LINC00632: variants seen among roughly 807,000 people sequenced by gnomAD.
The protein encoded by LINC00632 is ALDOA related specific transcript.
chrX:140,755,334 GC>G (rs1483080439), intron 3 of LINC00632, among the ~76,000 whole-genome samples: 3 of 112,092 alleles, frequency 2.7e-5, no homozygotes, highest in South Asian at 7.5e-4. Context: ...CCAATCCTCT[GC>G]CCAAGGTTTT....
In LINC00632 at chrX:140,753,768, C is replaced by CTTTTTTTTTTTTT. The variant is rs752596283; in HGVS notation, n.192-18297_192-18285dup. Among the ~76,000 whole-genome samples the CTTTTTTTTTTTTT allele has an allele frequency of 1.6e-3, 81 of 49,721 alleles. 1 individual carries two copies. The highest frequency in any genetic ancestry group is 4.6e-3 in the East Asian group (7 of 1,507). The allele number at this position is 49,721 out of a possible 115,157, so 43.2% of individuals were successfully genotyped here. The stretch of plus-strand genomic sequence containing the variant: ...TTTCTTTTCTTTTCTTTCTTTCTTT[C>CTTTTTTTTTTTTT]TTTTTTTTTTTTTTTTTTTTTTTTT... On this transcript the variant is annotated intron_variant and non_coding_transcript_variant, in intron 3 of 4. Transcript: ENST00000648200.
exon 5 of LINC00632, among the ~76,000 whole-genome samples, chrX:140,788,615 A>G (rs1282290938): frequency 9.1e-6 from 1 of 109,429 alleles, no homozygotes; most frequent in Admixed American, 9.9e-5. Flanking sequence ...TATTATATTT[A>G]TTGAAAAACA....
chrX:140,749,495 C>A (rs1016231245), intron 3 of LINC00632, among the ~76,000 whole-genome samples: 5 of 110,689 alleles, frequency 4.5e-5, no homozygotes, highest in Admixed American at 9.7e-5. Context: ...GCTCAGTGAA[C>A]TGCCCAGATA....
intron 2 of LINC00632, among the ~76,000 whole-genome samples, chrX:140,723,732 A>T (rs940882041): frequency 0.029 from 43 of 1,495 alleles, no homozygotes; most frequent in South Asian, 0.12. Flanking sequence ...ACACATTCCA[A>T]ACACACACAC....
chrX:140,781,065 A>T (rs1019431102), exon 5 of LINC00632, among the ~76,000 whole-genome samples: 1 of 111,123 alleles, frequency 9.0e-6, no homozygotes, highest in African/African-American at 3.3e-5. Flanking sequence ...TTGTCTATAT[A>T]TTCCACTACT....
intron 2 of LINC00632, among the ~76,000 whole-genome samples, chrX:140,725,887 G>C (rs1330743276): frequency 9.0e-6 from 1 of 111,131 alleles, no homozygotes; most frequent in Non-Finnish European, 1.9e-5. Flanking sequence ...ATCAGACAAC[G>C]CAGAAACACA....
intron 3 of LINC00632, among the ~76,000 whole-genome samples, chrX:140,762,242 A>AGGGAGAGAGAGAGAGAGAGAGAGC (rs1286418753): frequency 3.0e-5 from 3 of 99,793 alleles, no homozygotes; most frequent in African/African-American, 1.1e-4. Context: ...AGAGAGAGAG[A>AGGGAGAGAGAGAGAGAGAGAGAGC]GCACTCTTAT....
chrX:140,724,999 C>T (rs1453812052), intron 2 of LINC00632, among the ~76,000 whole-genome samples: 9 of 22,755 alleles, frequency 4.0e-4, no homozygotes, highest in Non-Finnish European at 5.9e-4. Flanking sequence ...AGACACATTC[C>T]ACACACACAC....
chrX:140,731,462 T>C (rs1444672789), intron 2 of LINC00632, among the ~76,000 whole-genome samples: 1 of 111,499 alleles, frequency 9.0e-6, no homozygotes, highest in Non-Finnish European at 1.9e-5. Context: ...TTTTGAATTC[T>C]GTCTCTGCCA....
At chrX:140,742,901 GA>G (rs1569351831) in intron 3 of LINC00632, among the ~76,000 whole-genome samples, 1 of 101,505 alleles carries the variant, frequency 9.9e-6, no homozygotes, top group African/African-American at 3.8e-5. Flanking sequence ...GGAAGGAAAG[GA>G]AAGGAAAAGG....
chrX:140,753,084 G>T (rs761267591), intron 3 of LINC00632, among the ~76,000 whole-genome samples: 2 of 112,059 alleles, frequency 1.8e-5, no homozygotes, highest in Non-Finnish European at 3.8e-5. Context: ...AAATAGAAAA[G>T]GAAGATCAGT....
chrX:140,709,913 T>C, intron 1 of LINC00632: 2 of 276,380 alleles, frequency 7.2e-6, no homozygotes, highest in Middle Eastern at 1.4e-3. Context: ...TAGGAATCTC[T>C]GATTCTAATC....
At chrX:140,782,373 C>T (rs970373226) in exon 5 of LINC00632, 1 of 111,812 alleles carries the variant, frequency 8.9e-6, no homozygotes, top group South Asian at 3.8e-4. Context: ...TTATAACATC[C>T]GTGCATTCCA....
At chrX:140,776,195 G>C (rs928491431) in exon 5 of LINC00632, among the ~76,000 whole-genome samples, 4 of 112,346 alleles carry the variant, frequency 3.6e-5, no homozygotes, top group African/African-American at 1.3e-4. Context: ...CTGATCATTA[G>C]AGAAATGCCA....
intron 2 of LINC00632, among the ~76,000 whole-genome samples, chrX:140,723,465 T>C (rs1930783115): frequency 1.9e-4 from 1 of 5,185 alleles, no homozygotes; most frequent in East Asian, 6.0e-3. Context: ...CACACACACA[T>C]TCCATACACA....
chrX:140,739,640 G>GAA, intron 3 of LINC00632, among the ~76,000 whole-genome samples: 2 of 111,094 alleles, frequency 1.8e-5, no homozygotes, highest in Admixed American at 9.6e-5. Flanking sequence ...ACTTACTAAT[G>GAA]AGCTCTTTTA....
At chrX:140,767,958 C>T (rs1931720615) in intron 3 of LINC00632, among the ~76,000 whole-genome samples, 1 of 111,689 alleles carries the variant, frequency 9.0e-6, no homozygotes, top group South Asian at 3.8e-4. Context: ...AAAGATCTCA[C>T]CTCTTAATAC....
chrX:140,783,411 T>A, exon 5 of LINC00632: 1 of 527,463 alleles, frequency 1.9e-6, no homozygotes, highest in Non-Finnish European at 3.1e-6. Context: ...TTCCACCAAA[T>A]CCAGATCTTC....
chrX:140,768,576 A>G (rs1275232854), intron 3 of LINC00632, among the ~76,000 whole-genome samples: 1 of 98,815 alleles, frequency 1.0e-5, no homozygotes, highest in African/African-American at 3.7e-5. Flanking sequence ...TATTATATAT[A>G]CTATATTATA....
Sources: allele counts gnomAD v4.1 joint callset (sites outside exome capture counted in the v4.1 genomes callset), GRCh38; gene constraint gnomAD v4.1.1; transcripts MANE v1.5; gene names NCBI Gene and HGNC (gene_info 2026-07-23, HGNC 2026-07-21).